Variants in EIF3K observed in about 807,000 individuals in gnomAD.
The protein encoded by EIF3K is eIF-3 p28.
In EIF3K, 27 loss-of-function variants were observed where a neutral mutation model predicts 34.2. The observed-to-expected ratio is 0.79, with a 90% CI of 0.58 to 1.09. The LOEUF (loss-of-function observed/expected upper bound fraction) is 1.09. Among genes scored for constraint, EIF3K ranks in the 50% least tolerant of loss-of-function variants. EIF3K has a pLI of 0.00. For missense variants in EIF3K, 232 were observed against 275.4 expected, an observed-to-expected ratio of 0.84 and a Z score of 1.11; for synonymous variants, 105 against 105.7, an observed-to-expected ratio of 0.99 and a Z score of 0.04.
At chr19:38,619,994 A>C (rs1008657671) in intron 1 of EIF3K, among the ~76,000 whole-genome samples, 1 of 152,174 alleles carries the variant, frequency 6.6e-6, no homozygotes, top group African/African-American at 2.4e-5. Context: ...GGGCTGGATC[A>C]GGGTGGAGGC....
intron 4 of EIF3K, 71 bp from the exon 5 acceptor site, chr19:38,632,359 C>G (rs1568657000): frequency 1.3e-5 from 19 of 1,473,012 alleles, no homozygotes; most frequent in Non-Finnish European, 9.4e-7. Context: ...GACCCCATCT[C>G]TATAAATAAA....
chr19:38,630,294 C>T (rs965916649), intron 4 of EIF3K, among the ~76,000 whole-genome samples: 5 of 151,218 alleles, frequency 3.3e-5, no homozygotes, highest in Admixed American at 6.6e-5. Flanking sequence ...GCTGGGATTA[C>T]AGATTTCAGG....
chr19:38,627,936 G>A lies in EIF3K; in HGVS notation c.354+1834G>A, dbSNP rs115427850. Among the ~76,000 whole-genome samples the A allele has an allele frequency of 6.7e-3, 953 of 142,950 alleles. 14 individuals carry two copies. Among genetic ancestry groups the A allele is most frequent in the African/African-American group, 0.026 (929 of 36,388 alleles). 93.8% of individuals were successfully genotyped at this position (142,950 alleles called of 152,430 possible). A position where few individuals can be genotyped will look rare whatever the true frequency, so the allele number is the denominator to read the frequency against. On this transcript the variant is annotated intron_variant, in intron 4 of 7. Transcript: ENST00000248342. ...TTTTTTTTGTTTGAGACCATGTCTC[G>A]CTGTGTCACCCAGGCTGGAATGCAG...
In EIF3K at chr19:38,619,218, T is replaced by G. The variant is rs1430843340; in HGVS notation, c.-51T>G. 1 of 1,600,186 alleles carries G rather than the reference T, an allele frequency of 6.2e-7. No homozygotes were observed. Among genetic ancestry groups the G allele is most frequent in the Admixed American group, 1.7e-5 (1 of 59,540 alleles). ...CCTGTTCCCGTCCTTGAGGACGCCG[T>G]GCCGGGTCAGTGTTAGCCTCCAGCC... On this transcript the variant is annotated 5_prime_UTR_variant, in exon 1 of 8. Coordinates refer to ENST00000248342, the MANE Select transcript of EIF3K (RefSeq NM_013234.4).
rs1475091039 is a variant in EIF3K, at chr19:38,626,028, CAAG to C, written c.286_288del (p.Glu96del). 19 of 1,614,066 alleles carry C rather than the reference CAAG, an allele frequency of 1.2e-5. No homozygotes were observed. The highest frequency in any genetic ancestry group is 1.4e-5 in the Non-Finnish European group (17 of 1,180,032). ...TTTCCTTAATGCTTCCTCCTCCCAG[CAAG>C]AAGAACGGCCAATCCGACAGATTTT... On this transcript the variant is annotated inframe_deletion and splice_region_variant, in exon 4 of 8. Transcript: ENST00000248342.
At chr19:38,629,297 TTTTG>T (rs1976012835) in intron 4 of EIF3K, among the ~76,000 whole-genome samples, 1 of 151,810 alleles carries the variant, frequency 6.6e-6, no homozygotes, top group Non-Finnish European at 1.5e-5. Context: ...TTTTGTTTTG[TTTTG>T]TTTTGTTTTT....
chr19:38,631,852 A>G (rs543659379), intron 4 of EIF3K, among the ~76,000 whole-genome samples: 1 of 152,020 alleles, frequency 6.6e-6, no homozygotes. Context: ...AGTGGTGATG[A>G]CTCTCAAGGA....
chr19:38,634,562 C>T (rs1976147183), intron 6 of EIF3K, among the ~76,000 whole-genome samples: 1 of 151,510 alleles, frequency 6.6e-6, no homozygotes, highest in Non-Finnish European at 1.5e-5. Flanking sequence ...TGCGCCATTG[C>T]ACTCCAGCCT....
At chr19:38,628,246 C>G (rs1042875299) in intron 4 of EIF3K, among the ~76,000 whole-genome samples, 2 of 152,102 alleles carry the variant, frequency 1.3e-5, no homozygotes, top group African/African-American at 4.8e-5. Context: ...CTTGGGTCCT[C>G]CCTCACAGAG....
In EIF3K at chr19:38,625,978, T is replaced by C. The variant is rs531513736; in HGVS notation, c.280-50T>C. The C allele has an allele frequency of 2.5e-6, 4 of 1,572,222 alleles. No homozygotes were observed. In the South Asian group the frequency reaches 3.3e-5, roughly 13 times the overall value. On this transcript the variant is annotated intron_variant, in intron 3 of 7. Coordinates refer to ENST00000248342, the MANE Select transcript of EIF3K (RefSeq NM_013234.4). ...GTAGGTGGGGAGGGGTGATCTGGGG[T>C]CCAACCTTACGCTCCGAGGCCAGTT...
chr19:38,636,784 A>C, intron 7 of EIF3K, 105 bp from the exon 8 acceptor site: 2 of 1,323,508 alleles, frequency 1.5e-6, no homozygotes, highest in Non-Finnish European at 2.2e-6. Flanking sequence ...GGGGCCTGGA[A>C]GGAGTTTATG....
intron 4 of EIF3K, 48 bp downstream of exon 4, chr19:38,626,150 G>C (rs752261774): frequency 1.9e-6 from 3 of 1,565,626 alleles, no homozygotes; most frequent in Non-Finnish European, 2.6e-6. Context: ...GGGCCATGTG[G>C]AGCTGAGTGC....
rs1376668979 is a variant in EIF3K, at chr19:38,624,107, C to T, written c.189C>T (p.Thr63=). 6.2e-7 allele frequency: 1 copy of T among 1,614,116 alleles called. No homozygotes were observed. The highest frequency in any genetic ancestry group is 1.1e-5 in the South Asian group (1 of 91,080). ...LYQFNPAFFQ[T]TVTAQILLKA... ...AGTTCAACCCAGCCTTCTTTCAGACCACGGTCACCGCCCAGATCCTGCTGA... is the reference window on the plus strand; with the variant it reads ...AGTTCAACCCAGCCTTCTTTCAGACTACGGTCACCGCCCAGATCCTGCTGA... Residue 63 remains threonine, a synonymous_variant, in exon 3 of 8, where the codon ACC becomes ACT. Coordinates refer to ENST00000248342, the MANE Select transcript of EIF3K (RefSeq NM_013234.4).
Position 38,626,118 on chromosome 19 carries a change from T to C in EIF3K, c.354+16T>C, listed in dbSNP as rs199770497. On this transcript the variant is annotated intron_variant, in intron 4 of 7. Coordinates refer to ENST00000248342, the MANE Select transcript of EIF3K (RefSeq NM_013234.4). Reference sequence around the variant, plus strand: ...GGCCTTCTGGGTAACTTCCCTGGGGTCCAGGGGCAGGGGAGATGGCAGGGC... The same window carrying C: ...GGCCTTCTGGGTAACTTCCCTGGGGCCCAGGGGCAGGGGAGATGGCAGGGC... 3.2e-5 allele frequency: 52 copies of C among 1,610,774 alleles called. No homozygotes were observed. The African/African-American group carries it at 6.0e-4, about 19-fold the overall frequency.
At chr19:38,625,988 C>A (rs757542046) in intron 3 of EIF3K, 40 bp from the exon 4 acceptor site, 2 of 1,599,964 alleles carry the variant, frequency 1.3e-6, no homozygotes, top group Middle Eastern at 1.7e-4. Flanking sequence ...TCCAACCTTA[C>A]GCTCCGAGGC....
intron 4 of EIF3K, among the ~76,000 whole-genome samples, chr19:38,627,202 T>C (rs1397431421): frequency 6.6e-6 from 1 of 151,906 alleles, no homozygotes; most frequent in Non-Finnish European, 1.5e-5. Context: ...TCCAGGCTGG[T>C]CTTGAATTCC....
chr19:38,622,903 CAG>C (rs1386679432), intron 2 of EIF3K, among the ~76,000 whole-genome samples: 1 of 152,232 alleles, frequency 6.6e-6, no homozygotes, highest in African/African-American at 2.4e-5. Flanking sequence ...CACCGGCAGT[CAG>C]AGTTTAAGGT....
In EIF3K at chr19:38,629,267, G is replaced by GTTTTGT. The variant is rs1555816064; in HGVS notation, c.355-3160_355-3159insTGTTTT. On this transcript the variant is annotated intron_variant, in intron 4 of 7. Coordinates refer to ENST00000248342, the MANE Select transcript of EIF3K (RefSeq NM_013234.4). ...ACAGATAGACAGGTTTTTTTTGTTT[G>GTTTTGT]TTTGTTTTGTTTTGTTTTGTTTTGT... Among the ~76,000 whole-genome samples the GTTTTGT allele has an allele frequency of 7.1e-3, 1,060 of 148,920 alleles. 14 individuals carry two copies. Among genetic ancestry groups the GTTTTGT allele is most frequent in the African/African-American group, 0.021 (831 of 39,972 alleles).
chr19:38,623,021 G>A (rs180802878), intron 2 of EIF3K, among the ~76,000 whole-genome samples: 6 of 152,234 alleles, frequency 3.9e-5, no homozygotes, highest in Admixed American at 6.5e-5. Context: ...TGTAGTTAAC[G>A]CAATTATTAC....
Sources: allele counts gnomAD v4.1 joint callset (sites outside exome capture counted in the v4.1 genomes callset), GRCh38; gene constraint gnomAD v4.1.1; transcripts MANE v1.5; gene names NCBI Gene and HGNC (gene_info 2026-07-23, HGNC 2026-07-21).